SCMH1: variants seen among roughly 807,000 people sequenced by gnomAD.
SCMH1 encodes the protein polycomb protein SCMH1.
Under a neutral mutation model 70.8 loss-of-function variants are expected in SCMH1, and 37 were observed. The ratio of observed to expected loss-of-function variants is 0.52; its 90% CI spans 0.40 to 0.69. The LOEUF is 0.69. Among genes scored for constraint, SCMH1 ranks in the 30% least tolerant of loss-of-function variants. The pLI is 0.00. For missense variants in SCMH1, 607 were observed against 827.3 expected, an observed-to-expected ratio of 0.73 and a Z score of 3.27; for synonymous variants, 292 against 307.4, an observed-to-expected ratio of 0.95 and a Z score of 0.52.
intron 6 of SCMH1, among the ~76,000 whole-genome samples, chr1:41,131,164 C>G (rs2148072858): frequency 6.6e-6 from 1 of 152,298 alleles, no homozygotes; most frequent in African/African-American, 2.4e-5. Context: ...TCACATTGAA[C>G]TGTCTTGGCA....
At chr1:41,119,262 C>A (rs915174636) in intron 6 of SCMH1, among the ~76,000 whole-genome samples, 1 of 152,072 alleles carries the variant, frequency 6.6e-6, no homozygotes, top group African/African-American at 2.4e-5. Context: ...AGTTACCACT[C>A]CATACTATTT....
At chr1:41,028,526 C>A in intron 14 of SCMH1, 58 bp downstream of exon 15, 1 of 1,604,534 alleles carries the variant, frequency 6.2e-7, no homozygotes, top group Non-Finnish European at 8.5e-7. Flanking sequence ...CGTATTGTCC[C>A]CACCAGGTGA....
intron 12 of SCMH1, among the ~76,000 whole-genome samples, chr1:41,039,979 C>T (rs1182493888): frequency 2.7e-5 from 4 of 146,778 alleles, no homozygotes; most frequent in Non-Finnish European, 6.0e-5. Context: ...AAAAGGAGTT[C>T]TACTGGTAAA....
At chr1:41,055,142 A>G (rs981861752) in intron 10 of SCMH1, among the ~76,000 whole-genome samples, 16 of 152,334 alleles carry the variant, frequency 1.1e-4, no homozygotes, top group South Asian at 1.0e-3. Context: ...AGCTTGGACT[A>G]AAAGCAAGAA....
rs1211309607 is a variant in SCMH1 at position 41,158,752 on chromosome 1, G to A, written c.106+2123C>T. Among the ~76,000 whole-genome samples the A allele has an allele frequency of 2.0e-5, 3 of 152,060 alleles. No homozygotes were observed. The South Asian group carries it at 6.2e-4, about 32-fold the overall frequency. ...TGGGCAGGAGGGTGATAGGGCTGGA[G>A]GCAAAAAAGACTAGTTAGGAAGCTG... On this transcript the variant is annotated intron_variant, in intron 4 of 14. Coordinates refer to ENST00000337495, the Ensembl canonical transcript of SCMH1.
At chr1:41,180,313 G>T (rs1648359090) in intron 2 of SCMH1, among the ~76,000 whole-genome samples, 1 of 152,200 alleles carries the variant, frequency 6.6e-6, no homozygotes, top group African/African-American at 2.4e-5. Flanking sequence ...ACAAGACAGG[G>T]ATGCCCTCTC....
chr1:41,150,688 G>A (rs1272292733), intron 5 of SCMH1, among the ~76,000 whole-genome samples: 1 of 151,730 alleles, frequency 6.6e-6, no homozygotes, highest in Non-Finnish European at 1.5e-5. Context: ...TGTAATCCCA[G>A]CACTTTGGGA....
rs142070622 is a variant in SCMH1, at chr1:41,220,562, A to G, written c.-118+21497T>C. Among the ~76,000 whole-genome samples, 79 of 152,316 alleles carry G rather than the reference A, an allele frequency of 5.2e-4. 1 individual carries two copies. In the East Asian group the frequency reaches 0.015, roughly 29 times the overall value. On this transcript the variant is annotated intron_variant, in intron 1 of 14. Coordinates refer to ENST00000337495, the Ensembl canonical transcript of SCMH1. ...TATAGCTATCTCTATCTCAAAAACC[A>G]ACTCACCTGGATAGGAAACGAGGGG... is the stretch of plus-strand genomic sequence containing the variant.
At chr1:41,144,083 A>G (rs1333955128) in intron 5 of SCMH1, among the ~76,000 whole-genome samples, 1 of 152,228 alleles carries the variant, frequency 6.6e-6, no homozygotes, top group African/African-American at 2.4e-5. Flanking sequence ...AAATGGCTGG[A>G]TCACATGGTA....
intron 13 of SCMH1, among the ~76,000 whole-genome samples, chr1:41,034,616 C>T (rs1213573709): frequency 2.6e-5 from 4 of 152,160 alleles, no homozygotes; most frequent in African/African-American, 4.8e-5. Flanking sequence ...CATAAGCCAC[C>T]GTGCCCGGCC....
intron 2 of SCMH1, among the ~76,000 whole-genome samples, chr1:41,163,969 A>G (rs1646243050): frequency 6.6e-6 from 1 of 152,236 alleles, no homozygotes; most frequent in Non-Finnish European, 1.5e-5. Context: ...TACATTACTC[A>G]TATAAGGAGA....
At chr1:41,084,971 C>G in intron 8 of SCMH1, among the ~76,000 whole-genome samples, 1 of 93,908 alleles carries the variant, frequency 1.1e-5, no homozygotes. Flanking sequence ...ACTCTGGGGA[C>G]TGTTGTGGGG....
intron 13 of SCMH1, among the ~76,000 whole-genome samples, chr1:41,035,729 A>G (rs1012185669): frequency 1.3e-5 from 2 of 152,222 alleles, no homozygotes; most frequent in Admixed American, 1.3e-4. Context: ...GTCTGCTGAC[A>G]TACGTGCTTG....
At chr1:41,200,543 T>C (rs991919965) in intron 1 of SCMH1, among the ~76,000 whole-genome samples, 1 of 149,128 alleles carries the variant, frequency 6.7e-6, no homozygotes, top group African/African-American at 2.4e-5. Flanking sequence ...TAATAATGCT[T>C]GTGAGGAAAA....
chr1:41,135,578 T>A (rs1643160615), intron 6 of SCMH1, among the ~76,000 whole-genome samples: 1 of 152,234 alleles, frequency 6.6e-6, no homozygotes, highest in South Asian at 2.1e-4. Flanking sequence ...CATGCTGAAC[T>A]GTGAGTCAAT....
intron 6 of SCMH1, among the ~76,000 whole-genome samples, chr1:41,139,340 T>C (rs991265331): frequency 2.6e-5 from 4 of 152,220 alleles, no homozygotes; most frequent in Admixed American, 2.0e-4. Flanking sequence ...TTCTTCGTTA[T>C]GTATGGTCTG....
intron 12 of SCMH1, among the ~76,000 whole-genome samples, chr1:41,038,660 AAGG>A (rs773892488): frequency 1.3e-5 from 2 of 152,170 alleles, no homozygotes; most frequent in Non-Finnish European, 2.9e-5. Flanking sequence ...CCTTTATATC[AAGG>A]AGGCTAATTG....
At chr1:41,184,070 T>G (rs979233875) in intron 2 of SCMH1, among the ~76,000 whole-genome samples, 1 of 152,186 alleles carries the variant, frequency 6.6e-6, no homozygotes, top group African/African-American at 2.4e-5. Flanking sequence ...AACTGTACAC[T>G]AAAATATTAT....
intron 6 of SCMH1, among the ~76,000 whole-genome samples, chr1:41,135,044 G>T (rs879798508): frequency 1.1e-4 from 16 of 152,018 alleles, no homozygotes; most frequent in Non-Finnish European, 1.5e-4. Flanking sequence ...CTACTATTAT[G>T]TCTTGATGAA....
Sources: allele counts gnomAD v4.1 joint callset (sites outside exome capture counted in the v4.1 genomes callset), GRCh38; gene constraint gnomAD v4.1.1; transcripts MANE v1.5; gene names NCBI Gene and HGNC (gene_info 2026-07-23, HGNC 2026-07-21).